THOP1: variants seen among roughly 807,000 people sequenced by gnomAD.
THOP1 encodes thimet oligopeptidase 1.
THOP1 carries 49 observed loss-of-function variants against 71.8 expected under a neutral mutation model. The observed-to-expected ratio is 0.68, with a 90% CI of 0.54 to 0.87. The LOEUF (loss-of-function observed/expected upper bound fraction) is 0.87. THOP1 is among the 40% of genes least tolerant of loss of function. The pLI is 0.00. For synonymous variants in THOP1, 426 were observed against 421.5 expected (o/e 1.01, Z -0.13); for missense variants, 843 against 975.6 (o/e 0.86, Z 1.81).
chr19:2,808,469 AG>A, intron 9 of THOP1, 25 bp downstream of exon 9: 1 of 1,526,960 alleles, frequency 6.5e-7, no homozygotes, highest in Non-Finnish European at 8.8e-7. Context: ...GGGCAGGGGC[AG>A]GGGCAGGGGC....
chr19:2,804,045 G>C lies in THOP1; in HGVS notation c.590-971G>C, dbSNP rs917720370. Reference sequence around the variant, plus strand: ...TGCTCTGGGGTCCGTGTGAGCTCCGGATCATTCTTTCCACCCTGACTCCCC... The same window carrying C: ...TGCTCTGGGGTCCGTGTGAGCTCCGCATCATTCTTTCCACCCTGACTCCCC... On this transcript the variant is annotated intron_variant, in intron 5 of 12. Coordinates refer to ENST00000307741, the MANE Select transcript of THOP1 (RefSeq NM_003249.5). This position sits in a 1 kb window ranked among gnomAD's most constrained non-coding sequence, Gnocchi z 4.7. Among the ~76,000 whole-genome samples the C allele has an allele frequency of 6.6e-6, 1 of 151,740 alleles. No homozygotes were observed. The highest frequency in any genetic ancestry group is 1.5e-5 in the Non-Finnish European group (1 of 67,928).
At chr19:2,812,184 T>C (rs1916494956) in intron 12 of THOP1, 1 of 1,493,364 alleles carries the variant, frequency 6.7e-7, no homozygotes, top group South Asian at 1.3e-5. Context: ...ATTCATTTGC[T>C]CCTCCAACCT....
intron 4 of THOP1, among the ~76,000 whole-genome samples, chr19:2,798,531 CAGCGCTGTG>C (rs1191128181): frequency 6.6e-6 from 1 of 152,236 alleles, no homozygotes; most frequent in Non-Finnish European, 1.5e-5. Context: ...CCCTTAGGGC[CAGCGCTGTG>C]TGCTCATTGA....
Position 2,803,908 on chromosome 19 carries a change from A to G in THOP1, c.590-1108A>G, listed in dbSNP as rs920933223. On this transcript the variant is annotated intron_variant, in intron 5 of 12. Coordinates refer to ENST00000307741, the MANE Select transcript of THOP1 (RefSeq NM_003249.5). ...TCCCTGGGGTCCCCGTGAGCTCCCG[A>G]TCATTCTTTCCACCCCTACTGCCCT... 4.6e-5 allele frequency among the ~76,000 whole-genome samples: 7 copies of G among 151,636 alleles called. 1 individual carries two copies. The highest frequency in any genetic ancestry group is 3.9e-4 in the Admixed American group (6 of 15,242).
At chr19:2,803,492 C>A (rs899689282) in intron 5 of THOP1, among the ~76,000 whole-genome samples, 7 of 152,216 alleles carry the variant, frequency 4.6e-5, no homozygotes, top group Non-Finnish European at 1.0e-4. Context: ...AAAATAAAAA[C>A]TTCCAGGAGT....
chr19:2,790,117 G>A (rs113068779), intron 1 of THOP1, among the ~76,000 whole-genome samples: 44 of 152,260 alleles, frequency 2.9e-4, no homozygotes, highest in African/African-American at 5.5e-4. Flanking sequence ...TGCTGGGGCC[G>A]TCCTGGTCAC....
intron 5 of THOP1, among the ~76,000 whole-genome samples, chr19:2,803,593 C>G (rs929738693): frequency 4.6e-5 from 7 of 152,230 alleles, no homozygotes; most frequent in Admixed American, 4.6e-4. Flanking sequence ...GACCGCCAGC[C>G]GTCACTCCTG....
Position 2,813,649 on chromosome 19 carries a change from G to T in THOP1, c.*373G>T. ...GGCTCCTGCGCTTTTTTGGTCCGAG[G>T]ACGGTGGGACGGCGGGTCAGGGTCC... On this transcript the variant is annotated 3_prime_UTR_variant, in exon 13 of 13. Coordinates refer to ENST00000307741, the MANE Select transcript of THOP1 (RefSeq NM_003249.5). The T allele has an allele frequency of 5.8e-6, 1 of 171,028 alleles. No homozygotes were observed. The highest frequency in any genetic ancestry group is 1.2e-5 in the Non-Finnish European group (1 of 80,524). 10.6% of individuals were successfully genotyped at this position (171,028 alleles called of 1,614,324 possible).
chr19:2,800,093 C>T (rs1916111660), intron 5 of THOP1, among the ~76,000 whole-genome samples: 1 of 152,230 alleles, frequency 6.6e-6, no homozygotes, highest in East Asian at 1.9e-4. Flanking sequence ...GACGGGGTGG[C>T]CAAGGGTGCC....
At position 2,805,015 on chromosome 19, in the gene THOP1, G is replaced by C. The variant is rs769315868; in HGVS notation, c.590-1G>C. ...AAGCCACCCTGGTTCTGTCCCCATA[G>C]GAGGGCTCCCCGAGGACTTTCTGAA... On this transcript the variant is annotated splice_acceptor_variant, in intron 5 of 12. Transcript: ENST00000307741. LOFTEE classifies it high-confidence loss of function. The surrounding 1 kb of genome is among the most constrained non-coding windows in gnomAD (Gnocchi z 6.6). The C allele has an allele frequency of 3.1e-6, 5 of 1,611,166 alleles. No individual in the cohort carries two copies. The highest frequency in any genetic ancestry group is 3.3e-5 in the Admixed American group (2 of 59,862).
At chr19:2,790,371 A>G (rs554078878) in intron 1 of THOP1, 50 bp from the exon 2 acceptor site, 2 of 1,474,182 alleles carry the variant, frequency 1.4e-6, no homozygotes, top group Non-Finnish European at 1.8e-6. Flanking sequence ...CTTTGACCCT[A>G]ACTGAACCGA....
chr19:2,807,310 AG>A, intron 7 of THOP1, 131 bp from the exon 8 acceptor site: 1 of 1,388,940 alleles, frequency 7.2e-7, no homozygotes, highest in Middle Eastern at 2.6e-4. Flanking sequence ...CGGCCCCTCG[AG>A]GGGTTGCCGG....
chr19:2,785,811 G>A, intron 1 of THOP1, 133 bp downstream of exon 1: 1 of 780,224 alleles, frequency 1.3e-6, no homozygotes, highest in Non-Finnish European at 1.8e-6. Context: ...GGCAGCGGGG[G>A]AGGTGGACGA....
chr19:2,803,558 T>G (rs1386493847), intron 5 of THOP1, among the ~76,000 whole-genome samples: 1 of 152,220 alleles, frequency 6.6e-6, no homozygotes, highest in Non-Finnish European at 1.5e-5. Flanking sequence ...GCTGTCTCCC[T>G]TGCTGTCCTT....
At chr19:2,789,476 G>A (rs774329034) in intron 1 of THOP1, among the ~76,000 whole-genome samples, 96 of 152,338 alleles carry the variant, frequency 6.3e-4, no homozygotes, top group Non-Finnish European at 1.1e-3. Context: ...TGACTCGCCC[G>A]TAGCACCTGT....
At chr19:2,810,048 G>A (rs577431478) in intron 9 of THOP1, 2 of 555,720 alleles carry the variant, frequency 3.6e-6, no homozygotes, top group Admixed American at 3.3e-5. Context: ...GTGGCTAGAG[G>A]AGAAGCGTGG....
rs28421180 is a variant in THOP1, at chr19:2,814,687, C to T, written c.*1411C>T. The T allele has an allele frequency of 0.024, 3,668 of 152,734 alleles. 144 individuals carry two copies. Among genetic ancestry groups the T allele is most frequent in the African/African-American group, 0.082 (3,409 of 41,566 alleles). 9.5% of individuals were successfully genotyped at this position (152,734 alleles called of 1,614,324 possible). A position where few individuals can be genotyped will look rare whatever the true frequency, so the allele number is the denominator to read the frequency against. ...TGAGTCTTGTCTTTGCAGAGCTGGA[C>T]GGCACAGCCTGTGGCCAGGAGGGTT... On this transcript the variant is annotated 3_prime_UTR_variant, in exon 13 of 13. Transcript: ENST00000307741.
rs562756598 is a variant in THOP1, at chr19:2,811,826, C to T, written c.1908+92C>T. The T allele has an allele frequency of 2.7e-6, 4 of 1,494,204 alleles. No homozygotes were observed. The South Asian group carries it at 4.1e-5, about 15-fold the overall frequency. The allele number at this position is 1,494,204 out of a possible 1,614,324, so 92.6% of individuals were successfully genotyped here. On this transcript the variant is annotated intron_variant, in intron 12 of 12. Transcript: ENST00000307741. Reference sequence around the variant, plus strand: ...AGGGCGTCCTGAATGGCAAGGTACGCGGGGACTGGGGACAGGGAGGGCGTC... The same window carrying T: ...AGGGCGTCCTGAATGGCAAGGTACGTGGGGACTGGGGACAGGGAGGGCGTC...
At chr19:2,809,024 T>C (rs1384174356) in intron 9 of THOP1, among the ~76,000 whole-genome samples, 1 of 152,198 alleles carries the variant, frequency 6.6e-6, no homozygotes, top group South Asian at 2.1e-4. Flanking sequence ...GCCATCTTGT[T>C]GCAAGCATCT....
Sources: gnomAD v4.1 joint callset for allele counts (sites outside exome capture counted in the v4.1 genomes callset) on GRCh38, gnomAD v4.1.1 for gene constraint, Gnocchi (gnomAD v3.1) non-coding constraint, MANE v1.5 for transcripts, NCBI Gene and HGNC (gene_info 2026-07-23, HGNC 2026-07-21) for gene names.